Variants in AADAT observed in about 807,000 individuals in gnomAD.
AADAT encodes aminoadipate aminotransferase, also known as kynurenine/alpha-aminoadipate aminotransferase, mitochondrial.
AADAT carries 25 observed loss-of-function variants against 56.2 expected under a neutral mutation model. That is an observed-to-expected ratio of 0.44 (90% CI 0.32 to 0.62). The LOEUF is 0.62. Ranked by LOEUF, AADAT falls within the 20% of genes least tolerant of loss-of-function variation. The pLI, the probability that AADAT is intolerant of heterozygous loss-of-function variation, is 0.04. For missense variants in AADAT, 387 were observed against 510.5 expected (o/e 0.76, Z 2.33); for synonymous variants, 173 against 164.7 (o/e 1.05, Z -0.39).
chr4:170,060,913 C>T lies in AADAT; in HGVS notation c.*15G>A, dbSNP rs1248813331. 6.5e-7 allele frequency: 1 copy of T among 1,540,982 alleles called. No homozygotes were observed. The highest frequency in any genetic ancestry group is 1.4e-5 in the African/African-American group (1 of 72,624). ...TATAGGTGTGAGCCACCATGCCCAACCTAGTTTAATTTCTTCATAAAGATT... is the reference window on the plus strand; with the variant it reads ...TATAGGTGTGAGCCACCATGCCCAATCTAGTTTAATTTCTTCATAAAGATT... On this transcript the variant is annotated 3_prime_UTR_variant, in exon 13 of 13. Transcript: ENST00000337664.
intron 8 of AADAT, among the ~76,000 whole-genome samples, chr4:170,067,966 C>CT (rs778333737): frequency 4.6e-5 from 7 of 151,950 alleles, no homozygotes; most frequent in Non-Finnish European, 1.0e-4. Context: ...TGGTGAAACT[C>CT]TGTCTCTACT....
chr4:170,081,298 C>T (rs929245036), intron 3 of AADAT, among the ~76,000 whole-genome samples: 1 of 152,024 alleles, frequency 6.6e-6, no homozygotes, highest in Non-Finnish European at 1.5e-5. Context: ...AGAGTGCCTA[C>T]GAAATACAGA....
intron 11 of AADAT, among the ~76,000 whole-genome samples, chr4:170,064,315 C>T (rs1318450304): frequency 6.6e-6 from 1 of 152,168 alleles, no homozygotes; most frequent in Non-Finnish European, 1.5e-5. Context: ...CATATATTAA[C>T]TCACTTAATC....
At chr4:170,075,558 C>T (rs1308811553) in intron 4 of AADAT, among the ~76,000 whole-genome samples, 1 of 152,230 alleles carries the variant, frequency 6.6e-6, no homozygotes, top group Non-Finnish European at 1.5e-5. Flanking sequence ...ATCCTTCAGC[C>T]TCAGCTGCCC....
chr4:170,080,486 T>C (rs963115113), intron 3 of AADAT, among the ~76,000 whole-genome samples: 5 of 152,086 alleles, frequency 3.3e-5, no homozygotes, highest in African/African-American at 1.2e-4. Context: ...AAAACATCCC[T>C]GAGGACAGGC....
chr4:170,071,478 G>C (rs1731757683), intron 5 of AADAT, among the ~76,000 whole-genome samples: 1 of 152,232 alleles, frequency 6.6e-6, no homozygotes, highest in Non-Finnish European at 1.5e-5. Context: ...AGTGCAGCAA[G>C]AAGAATGATA....
intron 2 of AADAT, among the ~76,000 whole-genome samples, chr4:170,087,478 G>A (rs576391585): frequency 3.9e-5 from 6 of 152,246 alleles, no homozygotes; most frequent in African/African-American, 7.2e-5. Context: ...AGTCAATTAC[G>A]TAATAAATGA....
chr4:170,070,477 T>C (rs755303640), intron 6 of AADAT, 110 bp downstream of exon 6: 4 of 702,140 alleles, frequency 5.7e-6, no homozygotes, highest in Non-Finnish European at 9.7e-6. Flanking sequence ...TTATTTTCCA[T>C]GTAAAAGTGG....
At chr4:170,070,012 A>G (rs989916696) in intron 6 of AADAT, among the ~76,000 whole-genome samples, 2 of 152,162 alleles carry the variant, frequency 1.3e-5, no homozygotes, top group African/African-American at 4.8e-5. Context: ...GAATCAATCT[A>G]AATGCCCATT....
intron 11 of AADAT, among the ~76,000 whole-genome samples, chr4:170,062,318 TA>T (rs1731230944): frequency 6.6e-6 from 1 of 152,150 alleles, no homozygotes; most frequent in Non-Finnish European, 1.5e-5. Context: ...TAAATGGTAA[TA>T]AATACAAACA....
At chr4:170,093,623 C>G (rs934325317), upstream of AADAT, among the ~76,000 whole-genome samples, 3 of 152,124 alleles carry the variant, frequency 2.0e-5, no homozygotes, top group Admixed American at 6.5e-5. Flanking sequence ...TGTCTAGAGT[C>G]TCACTTTGTT....
In AADAT at chr4:170,068,655, G is replaced by T; in HGVS notation, c.836C>A (p.Pro279His). 1 of 1,605,458 alleles carries T rather than the reference G, an allele frequency of 6.2e-7. No individual in the cohort carries two copies. Among genetic ancestry groups the T allele is most frequent in the Non-Finnish European group, 8.5e-7 (1 of 1,178,382 alleles). Reference sequence around the variant, plus strand: ...GTGTAAAATAACTCTCTCTATTAAGGGTTTTGGACCAGTTAAAAATCCTAT... The same window carrying T: ...GTGTAAAATAACTCTCTCTATTAAGTGTTTTGGACCAGTTAAAAATCCTAT... ...LRIGFLTGPK[P>H]LIERVILHIQ... Residue 279 changes from proline (P) to histidine (H), a missense_variant, in exon 8 of 13, where the codon CCC (proline) becomes CAC (histidine). Pro to His is a moderately conservative substitution (Grantham distance 77). Transcript: ENST00000337664.
Position 170,060,856 on chromosome 4 carries a change from C to T in AADAT, c.*72G>A, listed in dbSNP as rs1027807648. 18 of 1,301,680 alleles carry T rather than the reference C, an allele frequency of 1.4e-5. No homozygotes were observed. Among genetic ancestry groups the T allele is most frequent in the Non-Finnish European group, 1.9e-5 (18 of 957,600 alleles). 80.6% of individuals were successfully genotyped at this position (1,301,680 alleles called of 1,614,324 possible). A position where few individuals can be genotyped will look rare whatever the true frequency, so the allele number is the denominator to read the frequency against. ...CCTTGAATTCCTGGGTTCAAGTGAT[C>T]CTCCCTCCTCTGCCTCCCAAAGTGC... On this transcript the variant is annotated 3_prime_UTR_variant, in exon 13 of 13. Coordinates refer to ENST00000337664, the MANE Select transcript of AADAT (RefSeq NM_016228.4).
intron 3 of AADAT, among the ~76,000 whole-genome samples, chr4:170,086,320 A>G (rs187687485): frequency 1.0e-3 from 156 of 152,212 alleles, no homozygotes; most frequent in Non-Finnish European, 1.8e-3. Context: ...TATTGTGGCA[A>G]CTAACCAGTG....
chr4:170,062,357 TTTTAAG>T (rs1304590153), intron 11 of AADAT, among the ~76,000 whole-genome samples: 14 of 152,116 alleles, frequency 9.2e-5, no homozygotes, highest in African/African-American at 3.1e-4. Context: ...GAAAAGTAAT[TTTTAAG>T]TTAATAAGTC....
intron 3 of AADAT, among the ~76,000 whole-genome samples, chr4:170,079,762 A>G (rs1732201676): frequency 6.6e-6 from 1 of 152,316 alleles, no homozygotes; most frequent in African/African-American, 2.4e-5. Context: ...AAAGCCATCC[A>G]TATCTGAGTG....
chr4:170,061,934 C>T lies in AADAT; in HGVS notation c.1194G>A (p.Leu398=), dbSNP rs1346952982. 1.9e-6 allele frequency: 3 copies of T among 1,613,156 alleles called. No homozygotes were observed. The highest frequency in any genetic ancestry group is 2.5e-6 in the Non-Finnish European group (3 of 1,179,532). Residue 398 remains leucine (L), a synonymous_variant, in exon 12 of 13, where the codon TTG becomes TTA. Coordinates refer to ENST00000337664, the MANE Select transcript of AADAT (RefSeq NM_016228.4). ...GAGAAGCTGAAGAGAAGGATGCTCT[C>T]AAGTAAGGGCTAGGAGCTGAGCTAT... is the stretch of plus-strand genomic sequence containing the variant. ...YVDSSAPSPY[L]RASFSSASPE...
At chr4:170,071,426 T>C (rs575950095) in intron 5 of AADAT, among the ~76,000 whole-genome samples, 4 of 152,258 alleles carry the variant, frequency 2.6e-5, no homozygotes, top group African/African-American at 9.6e-5. Flanking sequence ...AGCAAAACGC[T>C]TGACATGTTT....
intron 6 of AADAT, among the ~76,000 whole-genome samples, chr4:170,069,529 T>C (rs906332926): frequency 6.6e-6 from 1 of 152,072 alleles, no homozygotes; most frequent in African/African-American, 2.4e-5. Context: ...GCCCCAGAGG[T>C]TGAAATCCAG....
Sources: gnomAD v4.1 joint callset for allele counts (sites outside exome capture counted in the v4.1 genomes callset) on GRCh38, gnomAD v4.1.1 for gene constraint, MANE v1.5 for transcripts, NCBI Gene and HGNC (gene_info 2026-07-23, HGNC 2026-07-21) for gene names.